The following DGKB variants were observed in gnomAD, a reference collection of about 807,000 sequenced individuals.
DGKB encodes the protein 90 kDa diacylglycerol kinase.
Under a neutral mutation model 114.3 loss-of-function variants are expected in DGKB, and 67 were observed. The observed-to-expected ratio is 0.59, with a 90% CI of 0.48 to 0.72. The LOEUF (loss-of-function observed/expected upper bound fraction) is 0.72, where lower values mean the gene tolerates loss of function less well. Among genes scored for constraint, DGKB ranks in the 30% least tolerant of loss-of-function variants. The probability of loss-of-function intolerance (pLI) is 0.00; values close to 1 mark genes in which losing one functional copy is unlikely to be tolerated. For synonymous variants in DGKB, 398 were observed against 323.1 expected, an observed-to-expected ratio of 1.23 and a Z score of -2.49; for missense variants, 907 against 975.2, an observed-to-expected ratio of 0.93 and a Z score of 0.93.
intron 2 of DGKB, among the ~76,000 whole-genome samples, chr7:14,807,207 CAGG>C (rs558266722): frequency 1.5e-4 from 23 of 152,096 alleles, no homozygotes; most frequent in African/African-American, 5.5e-4. Flanking sequence ...TCTCTAACTG[CAGG>C]AGTTCTACCT....
chr7:14,665,066 T>C (rs182415773), intron 13 of DGKB, among the ~76,000 whole-genome samples: 197 of 152,142 alleles, frequency 1.3e-3, no homozygotes, highest in Admixed American at 2.8e-3. Flanking sequence ...TTATGTATCA[T>C]ACAACTTCAA....
intron 1 of DGKB, among the ~76,000 whole-genome samples, chr7:14,910,887 T>C (rs531984814): frequency 6.6e-6 from 1 of 152,326 alleles, no homozygotes; most frequent in South Asian, 2.1e-4. Flanking sequence ...ATTGATATTT[T>C]ATATTAGCTT....
intron 21 of DGKB, among the ~76,000 whole-genome samples, chr7:14,371,454 C>A (rs1317222267): frequency 1.3e-5 from 2 of 152,084 alleles, no homozygotes; most frequent in Non-Finnish European, 1.5e-5. Context: ...TGTTTGTTGG[C>A]AGCTTATATG....
intron 25 of DGKB, among the ~76,000 whole-genome samples, chr7:14,171,362 T>C (rs1780967029): frequency 6.6e-6 from 1 of 152,194 alleles, no homozygotes; most frequent in East Asian, 1.9e-4. Context: ...TTTCAGGAGT[T>C]TTTTTCTGTC....
intron 1 of DGKB, among the ~76,000 whole-genome samples, chr7:14,845,252 A>T (rs1194680183): frequency 2.0e-5 from 3 of 152,130 alleles, no homozygotes; most frequent in African/African-American, 7.2e-5. Flanking sequence ...CTAACCATGT[A>T]TCAAGGCTCA....
chr7:14,726,233 A>G (rs1420801967), intron 5 of DGKB, among the ~76,000 whole-genome samples: 1 of 152,000 alleles, frequency 6.6e-6, no homozygotes, highest in Non-Finnish European at 1.5e-5. Context: ...TCTGCCTCCC[A>G]GGTTCAAGCG....
intron 13 of DGKB, among the ~76,000 whole-genome samples, chr7:14,648,213 C>T (rs10239049): frequency 0.022 from 3,315 of 152,330 alleles, 116 homozygotes; most frequent in African/African-American, 0.076. Flanking sequence ...AACAAAAAGA[C>T]AGCAGTAACC....
chr7:14,864,185 T>C (rs1851388271), intron 1 of DGKB, among the ~76,000 whole-genome samples: 1 of 152,138 alleles, frequency 6.6e-6, no homozygotes, highest in South Asian at 2.1e-4. Flanking sequence ...TGTTATTTTA[T>C]AATTATATGA....
chr7:14,240,107 A>T (rs754502077), intron 23 of DGKB, among the ~76,000 whole-genome samples: 11 of 152,090 alleles, frequency 7.2e-5, no homozygotes, highest in Non-Finnish European at 1.5e-4. Context: ...TATGTTCTGT[A>T]TCTTCCCTTA....
intron 21 of DGKB, among the ~76,000 whole-genome samples, chr7:14,435,147 C>G (rs1829051135): frequency 6.6e-6 from 1 of 152,076 alleles, no homozygotes; most frequent in South Asian, 2.1e-4. Context: ...ATCTCTCAAC[C>G]TCTACCTAAA....
At chr7:14,660,505 G>A (rs868498613) in intron 13 of DGKB, among the ~76,000 whole-genome samples, 23 of 151,968 alleles carry the variant, frequency 1.5e-4, no homozygotes, top group Non-Finnish European at 2.1e-4. Context: ...GTTTATTTGC[G>A]TAGAGGTGTT....
At chr7:14,915,293 A>C (rs1345991695) in intron 1 of DGKB, among the ~76,000 whole-genome samples, 5 of 152,122 alleles carry the variant, frequency 3.3e-5, no homozygotes, top group African/African-American at 9.7e-5. Flanking sequence ...TGGGAGAATC[A>C]CTTGAGCCCA....
At chr7:14,624,029 AAC>A (rs1808123449) in intron 14 of DGKB, among the ~76,000 whole-genome samples, 1 of 152,218 alleles carries the variant, frequency 6.6e-6, no homozygotes, top group Non-Finnish European at 1.5e-5. Flanking sequence ...TATTCAATAT[AAC>A]AGTTACTATG....
At chr7:14,608,001 G>T (rs1033594192) in intron 16 of DGKB, among the ~76,000 whole-genome samples, 1 of 151,928 alleles carries the variant, frequency 6.6e-6, no homozygotes, top group African/African-American at 2.4e-5. Flanking sequence ...AGCAAAGAAT[G>T]TAGCCTCATC....
At chr7:14,737,584 G>A (rs903361282) in intron 4 of DGKB, among the ~76,000 whole-genome samples, 7 of 151,958 alleles carry the variant, frequency 4.6e-5, no homozygotes, top group East Asian at 3.9e-4. Context: ...GTTTACATAC[G>A]ATGTTTGCTT....
At chr7:14,912,242 T>C (rs1784038048) in intron 1 of DGKB, among the ~76,000 whole-genome samples, 1 of 152,188 alleles carries the variant, frequency 6.6e-6, no homozygotes, top group East Asian at 1.9e-4. Flanking sequence ...GTTTCATATC[T>C]AGATCTCCAA....
At chr7:14,397,278 T>G (rs1422445715) in intron 21 of DGKB, among the ~76,000 whole-genome samples, 1 of 152,104 alleles carries the variant, frequency 6.6e-6, no homozygotes, top group Non-Finnish European at 1.5e-5. Context: ...GAATTGTGAG[T>G]GCGCTGACCT....
chr7:14,447,182 T>C (rs1308564246), intron 21 of DGKB, among the ~76,000 whole-genome samples: 1 of 152,000 alleles, frequency 6.6e-6, no homozygotes, highest in African/African-American at 2.4e-5. Context: ...CCCATCAGGG[T>C]GGAACCCACA....
chr7:14,886,387 G>A (rs2128220205), intron 1 of DGKB, among the ~76,000 whole-genome samples: 1 of 151,714 alleles, frequency 6.6e-6, no homozygotes, highest in South Asian at 2.1e-4. Flanking sequence ...AGATGAGGAC[G>A]GCTCAAAAGT....
Sources: gnomAD v4.1 joint callset for allele counts (sites outside exome capture counted in the v4.1 genomes callset) on GRCh38, gnomAD v4.1.1 for gene constraint, MANE v1.5 for transcripts, NCBI Gene and HGNC (gene_info 2026-07-23, HGNC 2026-07-21) for gene names.